Variants in MSRA observed in about 807,000 individuals in gnomAD.
MSRA encodes the protein methionine sulfoxide reductase A, also known as mitochondrial peptide methionine sulfoxide reductase.
MSRA carries 54 observed loss-of-function variants against 31.3 expected under a neutral mutation model. That is an observed-to-expected ratio of 1.73 (90% CI 1.39 to 2.17). The LOEUF is 2.17. MSRA is among the 30% of genes most tolerant of loss of function. The pLI is 0.00. For synonymous variants in MSRA, 169 were observed against 116.5 expected (o/e 1.45, Z -2.90); for missense variants, 507 against 300.9 (o/e 1.69, Z -5.07).
chr8:10,139,940 C>A (rs1802568719), intron 1 of MSRA, among the ~76,000 whole-genome samples: 1 of 152,152 alleles, frequency 6.6e-6, no homozygotes, highest in Non-Finnish European at 1.5e-5. Flanking sequence ...TCTGTTCTTA[C>A]CCATCGCTGG....
At chr8:10,168,513 A>C (rs570221348) in intron 1 of MSRA, among the ~76,000 whole-genome samples, 1 of 152,346 alleles carries the variant, frequency 6.6e-6, no homozygotes, top group East Asian at 1.9e-4. Context: ...TTTGGAAAGT[A>C]GGGAGGAGGG....
chr8:10,149,047 C>G (rs1409126746), intron 1 of MSRA, among the ~76,000 whole-genome samples: 1 of 151,662 alleles, frequency 6.6e-6, no homozygotes. Context: ...CCTCTGCCTC[C>G]CAGGTTCCAG....
At chr8:10,181,851 A>G (rs1345108566) in intron 1 of MSRA, among the ~76,000 whole-genome samples, 1 of 152,224 alleles carries the variant, frequency 6.6e-6, no homozygotes, top group Non-Finnish European at 1.5e-5. Context: ...CCCTTGGGTC[A>G]TGTACCTGCA....
chr8:10,241,185 T>C (rs1455698512), intron 2 of MSRA, among the ~76,000 whole-genome samples: 1 of 152,134 alleles, frequency 6.6e-6, no homozygotes, highest in Non-Finnish European at 1.5e-5. Context: ...TTATCACCCA[T>C]GTCATGATCT....
intron 1 of MSRA, among the ~76,000 whole-genome samples, chr8:10,166,556 G>A (rs1805144135): frequency 6.6e-6 from 1 of 152,056 alleles, no homozygotes; most frequent in Non-Finnish European, 1.5e-5. Context: ...TTTGTATGGG[G>A]TTGTTTGTGT....
chr8:10,174,755 C>G (rs552418174), intron 1 of MSRA, among the ~76,000 whole-genome samples: 45 of 152,344 alleles, frequency 3.0e-4, no homozygotes, highest in South Asian at 8.3e-4. Context: ...GCGTGCTGCA[C>G]TCAGACATCC....
At chr8:10,387,639 A>G (rs1806475798) in intron 5 of MSRA, among the ~76,000 whole-genome samples, 1 of 152,198 alleles carries the variant, frequency 6.6e-6, no homozygotes, top group Non-Finnish European at 1.5e-5. Flanking sequence ...ACTGCAGACA[A>G]AGATTGTCTC....
chr8:10,373,275 A>G (rs909952074), intron 5 of MSRA, among the ~76,000 whole-genome samples: 3 of 152,210 alleles, frequency 2.0e-5, no homozygotes, highest in African/African-American at 7.2e-5. Context: ...ACATTTTTCC[A>G]AATAGTCAAC....
intron 1 of MSRA, among the ~76,000 whole-genome samples, chr8:10,168,053 A>C (rs1805294704): frequency 6.6e-6 from 1 of 152,168 alleles, no homozygotes; most frequent in South Asian, 2.1e-4. Flanking sequence ...TTTGGGTTGC[A>C]ATCTCATCTA....
chr8:10,246,465 T>G (rs562553979), intron 3 of MSRA, among the ~76,000 whole-genome samples: 1 of 152,206 alleles, frequency 6.6e-6, no homozygotes, highest in Non-Finnish European at 1.5e-5. Context: ...GGAGGGAGTA[T>G]CTGGAGTTAT....
intron 5 of MSRA, among the ~76,000 whole-genome samples, chr8:10,366,024 A>G (rs950864740): frequency 2.0e-5 from 3 of 152,190 alleles, no homozygotes; most frequent in Admixed American, 2.0e-4. Context: ...CTGCTCCTTC[A>G]GGACAGATAG....
chr8:10,161,396 G>A (rs1804633378), intron 1 of MSRA, among the ~76,000 whole-genome samples: 1 of 152,134 alleles, frequency 6.6e-6, no homozygotes, highest in African/African-American at 2.4e-5. Flanking sequence ...TGGGTGATGA[G>A]TCCCCAAGCA....
At chr8:10,403,115 C>T (rs1252383608) in intron 5 of MSRA, among the ~76,000 whole-genome samples, 1 of 152,168 alleles carries the variant, frequency 6.6e-6, no homozygotes, top group Non-Finnish European at 1.5e-5. Flanking sequence ...GTTTACCAGT[C>T]CCCACAAATT....
intron 5 of MSRA, among the ~76,000 whole-genome samples, chr8:10,401,409 A>G (rs552351095): frequency 1.3e-5 from 2 of 152,270 alleles, no homozygotes; most frequent in African/African-American, 4.8e-5. Flanking sequence ...CAAAACAGAG[A>G]ATAATAAGTG....
intron 3 of MSRA, among the ~76,000 whole-genome samples, chr8:10,294,222 A>T (rs1800406763): frequency 6.6e-6 from 1 of 152,154 alleles, no homozygotes; most frequent in African/African-American, 2.4e-5. Flanking sequence ...TAAATAAATA[A>T]TTTTTAAAAA....
intron 1 of MSRA, among the ~76,000 whole-genome samples, chr8:10,196,574 G>C (rs945315004): frequency 2.0e-5 from 3 of 152,124 alleles, no homozygotes; most frequent in Admixed American, 2.0e-4. Context: ...TTTTGAGACA[G>C]ATTATCGCTC....
At chr8:10,288,086 A>G (rs1800032265) in intron 3 of MSRA, among the ~76,000 whole-genome samples, 1 of 152,190 alleles carries the variant, frequency 6.6e-6, no homozygotes, top group Admixed American at 6.5e-5. Flanking sequence ...AGCCCCATAC[A>G]AAAGTGAAAA....
chr8:10,120,370 A>G (rs1801016288), intron 1 of MSRA, among the ~76,000 whole-genome samples: 1 of 151,932 alleles, frequency 6.6e-6, no homozygotes, highest in Non-Finnish European at 1.5e-5. Flanking sequence ...AAGAGGTATC[A>G]CTCTAAGACC....
At chr8:10,423,319 A>G (rs1232790385) in intron 5 of MSRA, among the ~76,000 whole-genome samples, 1 of 152,180 alleles carries the variant, frequency 6.6e-6, no homozygotes, top group Non-Finnish European at 1.5e-5. Flanking sequence ...GGAAAAGTAG[A>G]TGACCACAAG....
Sources: gnomAD v4.1 joint callset for allele counts (sites outside exome capture counted in the v4.1 genomes callset) on GRCh38, gnomAD v4.1.1 for gene constraint, MANE v1.5 for transcripts, NCBI Gene and HGNC (gene_info 2026-07-23, HGNC 2026-07-21) for gene names.